Variants in PRDM10 observed in about 807,000 individuals in gnomAD.
PRDM10 encodes the protein PR/SET domain 10.
In PRDM10, 65 loss-of-function variants were observed where a neutral mutation model predicts 133.1. The observed-to-expected ratio is 0.49, with a 90% CI of 0.40 to 0.60. The LOEUF is 0.60. PRDM10 is among the 20% of genes least tolerant of loss of function. The pLI, the probability that PRDM10 is intolerant of heterozygous loss-of-function variation, is 0.00. For missense variants in PRDM10, 1,137 were observed against 1,507.1 expected (o/e 0.75, Z 4.07); for synonymous variants, 582 against 580.4 (o/e 1.00, Z -0.04).
At chr11:129,902,717 T>C (rs1302096073) in intron 20 of PRDM10, among the ~76,000 whole-genome samples, 2 of 152,174 alleles carry the variant, frequency 1.3e-5, no homozygotes, top group Non-Finnish European at 2.9e-5. Context: ...AAGGAGCACC[T>C]TAGCAGTTTC....
At chr11:129,957,577 A>G (rs962360329) in intron 3 of PRDM10, among the ~76,000 whole-genome samples, 169 bp downstream of exon 3, 11 of 152,218 alleles carry the variant, frequency 7.2e-5, no homozygotes, top group African/African-American at 2.7e-4. Flanking sequence ...TCGGCCTCCC[A>G]AAGTGCTGGG....
rs757852376 is a variant in PRDM10, at chr11:129,905,690, T to G, written c.3215A>C (p.Asp1072Ala). 1 of 1,614,192 alleles carries G rather than the reference T, an allele frequency of 6.2e-7. No individual in the cohort carries two copies. The highest frequency in any genetic ancestry group is 1.1e-5 in the South Asian group (1 of 91,086). The change falls in exon 20 of 21, where the codon GAC becomes GCC. Residue 1072 changes from aspartate (D) to alanine (A), a missense_variant. Physicochemically the swap from Asp to Ala is moderately radical, Grantham distance 126. This residue lies in a region of PRDM10 where 243 missense variants were observed against 259.2 expected (regional missense o/e 0.94). Transcript: ENST00000360871. The part of the protein sequence containing the change: ...TLPPGQFVIT[D>A]SGVATPVTTG... ...AGTAACTGGAGTTGCCACACCACTG[T>G]CTGTAATCACAAACTGACCCGGAGG...
chr11:129,969,844 G>A (rs1951981580), intron 1 of PRDM10, among the ~76,000 whole-genome samples: 1 of 151,986 alleles, frequency 6.6e-6, no homozygotes, highest in Admixed American at 6.6e-5. Context: ...GGTAAATTGT[G>A]CATAACACAA....
intron 18 of PRDM10, among the ~76,000 whole-genome samples, chr11:129,911,791 TG>T (rs1282854428): frequency 2.6e-5 from 4 of 152,198 alleles, no homozygotes; most frequent in Non-Finnish European, 4.4e-5. Context: ...AGAAAGCCAC[TG>T]TTCCAAATCA....
intron 8 of PRDM10, among the ~76,000 whole-genome samples, 162 bp downstream of exon 8, chr11:129,937,436 T>C (rs1479549990): frequency 6.6e-6 from 1 of 152,212 alleles, no homozygotes; most frequent in South Asian, 2.1e-4. Flanking sequence ...AATGTCATTG[T>C]AGTTTGACAC....
At chr11:129,933,533 T>G (rs1329145870) in intron 9 of PRDM10, among the ~76,000 whole-genome samples, 1 of 152,174 alleles carries the variant, frequency 6.6e-6, no homozygotes, top group Non-Finnish European at 1.5e-5. Context: ...TTGCTGAGTA[T>G]TATTATATCT....
Position 129,933,447 on chromosome 11 carries a change from G to C in PRDM10, c.1158-1216C>G, listed in dbSNP as rs142343659. 1.2e-4 allele frequency among the ~76,000 whole-genome samples: 19 copies of C among 152,280 alleles called. No homozygotes were observed. The East Asian group carries it at 3.5e-3, about 28-fold the overall frequency. ...TTTTCATCTCTAGATATCTTGGCAT[G>C]TCTCTCTGAATCATAAGAACTCTTT... On this transcript the variant is annotated intron_variant, in intron 9 of 20. Transcript: ENST00000360871.
intron 1 of PRDM10, among the ~76,000 whole-genome samples, chr11:129,990,342 C>T (rs1938660905): frequency 6.8e-6 from 1 of 146,516 alleles, no homozygotes; most frequent in Non-Finnish European, 1.5e-5. Context: ...CGAGACTCCA[C>T]CACAAAAAAA....
At chr11:129,946,853 T>G (rs1247130593) in intron 5 of PRDM10, among the ~76,000 whole-genome samples, 1 of 152,076 alleles carries the variant, frequency 6.6e-6, no homozygotes, top group East Asian at 1.9e-4. Context: ...GAAGCTCTGG[T>G]GTGAGAGACC....
At chr11:129,991,128 A>C (rs1938719198) in intron 1 of PRDM10, among the ~76,000 whole-genome samples, 1 of 152,234 alleles carries the variant, frequency 6.6e-6, no homozygotes, top group Non-Finnish European at 1.5e-5. Flanking sequence ...TGTCTGTTAC[A>C]ATGTGGCTCA....
At chr11:129,960,218 G>A (rs1013703999) in intron 2 of PRDM10, among the ~76,000 whole-genome samples, 7 of 152,092 alleles carry the variant, frequency 4.6e-5, no homozygotes, top group South Asian at 2.1e-4. Context: ...AACATTACAC[G>A]TGTATGTTTA....
At chr11:129,966,843 G>A (rs1951917275) in intron 1 of PRDM10, among the ~76,000 whole-genome samples, 2 of 152,152 alleles carry the variant, frequency 1.3e-5, no homozygotes, top group Admixed American at 6.5e-5. Context: ...GTTAAGAAAC[G>A]CCACATCAAC....
In PRDM10 at chr11:129,947,925, G is replaced by A; in HGVS notation, c.295-555C>T. ...GAGTAGCCATACCACACTGGAGGGG[G>A]TAAATGAGTTGACCTATCCTCAACC... On this transcript the variant is annotated intron_variant, in intron 4 of 20. Transcript: ENST00000360871. The surrounding 1 kb of genome is among the most constrained non-coding windows in gnomAD (Gnocchi z 4.6). 1 of 412,004 alleles carries A rather than the reference G, an allele frequency of 2.4e-6. No individual in the cohort carries two copies. The allele number at this position is 412,004 out of a possible 1,614,324, so 25.5% of individuals were successfully genotyped here.
At chr11:129,925,444 T>C (rs1453033224) in intron 11 of PRDM10, among the ~76,000 whole-genome samples, 1 of 152,198 alleles carries the variant, frequency 6.6e-6, no homozygotes, top group African/African-American at 2.4e-5. Flanking sequence ...GATGAAATTT[T>C]TTTGTGTTTT....
Position 129,918,140 on chromosome 11 carries a change from A to G in PRDM10, c.2214+399T>C, listed in dbSNP as rs1950413434. 6.6e-6 allele frequency among the ~76,000 whole-genome samples: 1 copy of G among 152,100 alleles called. No homozygotes were observed. Among genetic ancestry groups the G allele is most frequent in the African/African-American group, 2.4e-5 (1 of 41,404 alleles). On this transcript the variant is annotated intron_variant, in intron 14 of 20. Transcript: ENST00000360871. The surrounding 1 kb of genome is among the most constrained non-coding windows in gnomAD (Gnocchi z 5.3). ...GAGCGAAATTCTGTCTCAAAAATAAATAAATAAAATAAAAGGGAACAGCTG... is the reference window on the plus strand; with the variant it reads ...GAGCGAAATTCTGTCTCAAAAATAAGTAAATAAAATAAAAGGGAACAGCTG...
At chr11:129,959,380 A>C in intron 2 of PRDM10, among the ~76,000 whole-genome samples, 1 of 152,226 alleles carries the variant, frequency 6.6e-6, no homozygotes, top group Non-Finnish European at 1.5e-5. Flanking sequence ...GTTCATTAAC[A>C]TCAAAGCCTT....
intron 19 of PRDM10, among the ~76,000 whole-genome samples, chr11:129,906,812 T>C (rs779739055): frequency 1.4e-3 from 218 of 152,124 alleles, no homozygotes; most frequent in Non-Finnish European, 2.1e-3. Flanking sequence ...ACCCCATCCC[T>C]GCTAAAAATA....
chr11:129,943,860 G>T (rs1217087960), intron 6 of PRDM10, among the ~76,000 whole-genome samples: 2 of 152,154 alleles, frequency 1.3e-5, no homozygotes, highest in Non-Finnish European at 2.9e-5. Context: ...GGGCGTGATG[G>T]CAGGCACCTG....
chr11:129,934,765 G>A (rs1014495107), intron 9 of PRDM10, among the ~76,000 whole-genome samples: 1 of 152,124 alleles, frequency 6.6e-6, no homozygotes, highest in African/African-American at 2.4e-5. Context: ...TTAAGTAATT[G>A]TACTGCTGAA....
Sources: gnomAD v4.1 joint callset for allele counts (sites outside exome capture counted in the v4.1 genomes callset) on GRCh38, gnomAD v4.1.1 for gene constraint, gnomAD v4.1.1 regional missense constraint, Gnocchi (gnomAD v3.1) non-coding constraint, MANE v1.5 for transcripts, NCBI Gene and HGNC (gene_info 2026-07-23, HGNC 2026-07-21) for gene names.